The following SYNE1 variants were observed in gnomAD, a reference collection of about 807,000 sequenced individuals.
The protein encoded by SYNE1 is spectrin repeat containing nuclear envelope protein 1, also known as nesprin-1.
Under a neutral mutation model 1,111.0 loss-of-function variants are expected in SYNE1, and 616 were observed. That is an observed-to-expected ratio of 0.55 (90% CI 0.52 to 0.59). The LOEUF (loss-of-function observed/expected upper bound fraction) is 0.59, where lower values mean the gene tolerates loss of function less well. SYNE1 is among the 20% of genes least tolerant of loss of function. The pLI is 0.00. For missense variants in SYNE1, 10,006 were observed against 10,417.0 expected (o/e 0.96, Z 1.72); for synonymous variants, 3,855 against 3,825.8 (o/e 1.01, Z -0.28).
intron 3 of SYNE1, among the ~76,000 whole-genome samples, chr6:152,615,100 C>T (rs2099642110): frequency 6.6e-6 from 1 of 152,006 alleles, no homozygotes; most frequent in Admixed American, 6.6e-5. Context: ...TGCACATGTA[C>T]CCTTTATTAA....
At chr6:152,262,752 C>T (rs113383900) in intron 100 of SYNE1, among the ~76,000 whole-genome samples, 53 of 139,344 alleles carry the variant, frequency 3.8e-4, no homozygotes, top group African/African-American at 1.3e-3. Context: ...ACAGGAACTG[C>T]GAAGGTAGTA....
rs1591552811 is a variant in SYNE1, at chr6:152,381,354, T to TATC, written c.8658_8660dup (p.Leu2886_Ile2887insMet). 1 of 1,613,420 alleles carries TATC rather than the reference T, an allele frequency of 6.2e-7. No homozygotes were observed. The highest frequency in any genetic ancestry group is 1.3e-5 in the African/African-American group (1 of 75,054). Reference sequence around the variant, plus strand: ...GGCTTGCACCAATCTCTCTGGAATCTATCAGCTCCTGTAATGGAATATCAC... The same window carrying TATC: ...GGCTTGCACCAATCTCTCTGGAATCTATCATCAGCTCCTGTAATGGAATATCAC... On this transcript the variant is annotated inframe_insertion, in exon 56 of 146. Transcript: ENST00000367255.
chr6:152,377,654 T>TATATATATATAC (rs2097319269), intron 56 of SYNE1, among the ~76,000 whole-genome samples: 2 of 106,576 alleles, frequency 1.9e-5, no homozygotes, highest in African/African-American at 6.6e-5. Context: ...TATATATATA[T>TATATATATATAC]ATATATATAT....
chr6:152,211,979 T>A (rs2077606696), intron 123 of SYNE1, among the ~76,000 whole-genome samples: 2 of 152,108 alleles, frequency 1.3e-5, no homozygotes, highest in Non-Finnish European at 2.9e-5. Flanking sequence ...AAAAATAGCC[T>A]AGTCTTTTTC....
chr6:152,516,594 A>T (rs1234904065), intron 6 of SYNE1, among the ~76,000 whole-genome samples: 1 of 151,760 alleles, frequency 6.6e-6, no homozygotes, highest in African/African-American at 2.4e-5. Context: ...TTTTATTTTT[A>T]TTTTTTTTAA....
intron 39 of SYNE1, among the ~76,000 whole-genome samples, chr6:152,420,255 G>A (rs1290300452): frequency 6.6e-6 from 1 of 152,096 alleles, no homozygotes; most frequent in African/African-American, 2.4e-5. Context: ...GAAATTCATG[G>A]AAAGGACTCT....
chr6:152,436,086 T>C lies in SYNE1; in HGVS notation c.4165A>G (p.Thr1389Ala). The C allele has an allele frequency of 6.2e-7, 1 of 1,613,958 alleles. No individual in the cohort carries two copies. Among genetic ancestry groups the C allele is most frequent in the East Asian group, 2.2e-5 (1 of 44,870 alleles). Residue 1389 changes from threonine to alanine, a missense_variant, in exon 33 of 146, where the codon ACA (threonine) becomes GCA (alanine). Thr to Ala is a moderately conservative substitution (Grantham distance 58). This residue lies in a region of SYNE1 where 1,971 missense variants were observed against 2,084.1 expected (regional missense o/e 0.95). Transcript: ENST00000367255. The stretch of plus-strand genomic sequence containing the variant: ...TCAGCCTGGACTGCAATACTTTCTG[T>C]CCGTTTAGAAAACTCCTAGAAAAAA... ...LEQTKEFSKR[T>A]ESIAVQAENL...
chr6:152,129,210 GA>G (rs1165963373), intron 145 of SYNE1: 6 of 152,220 alleles, frequency 3.9e-5, no homozygotes, highest in African/African-American at 1.4e-4. Flanking sequence ...ACAATGCGGA[GA>G]GCAGATAGAC....
chr6:152,269,092 T>G, intron 99 of SYNE1, 63 bp downstream of exon 99: 2 of 1,612,304 alleles, frequency 1.2e-6, no homozygotes, highest in South Asian at 2.2e-5. Context: ...CCTTCTGAAA[T>G]ATGCCTCTCA....
chr6:152,364,808 G>A (rs749550149), intron 63 of SYNE1, 39 bp downstream of exon 63: 2 of 1,613,692 alleles, frequency 1.2e-6, no homozygotes, highest in East Asian at 2.2e-5. Context: ...TGATCTTTTA[G>A]TAATAGCTTC....
At chr6:152,549,248 C>T (rs1382440273) in intron 3 of SYNE1, among the ~76,000 whole-genome samples, 1 of 152,192 alleles carries the variant, frequency 6.6e-6, no homozygotes, top group Non-Finnish European at 1.5e-5. Flanking sequence ...TCCTCAATAT[C>T]GTATTCCTAA....
Position 152,486,210 on chromosome 6 carries a change from T to TA in SYNE1, c.1048-1239dup, listed in dbSNP as rs35220031. ...GTGACACTCTGACTAAAAAAAATAT[T>TA]AAAAAAAACAACAAAAAAATAAATT... is the stretch of plus-strand genomic sequence containing the variant. On this transcript the variant is annotated intron_variant, in intron 12 of 145. Transcript: ENST00000367255. 3.4e-3 allele frequency among the ~76,000 whole-genome samples: 504 copies of TA among 149,500 alleles called. 2 individuals carry two copies. Among genetic ancestry groups the TA allele is most frequent in the African/African-American group, 9.2e-3 (373 of 40,750 alleles).
At position 152,385,841 on chromosome 6, in the gene SYNE1, A is replaced by G. The variant is rs1267586793; in HGVS notation, c.8488-3T>C. ...TCTTCCACTTTCCTCATTTTTTCCT[A>G]GTAAACAAAGAAAAGACTACCTTAA... On this transcript the variant is annotated splice_region_variant and splice_polypyrimidine_tract_variant and intron_variant, in intron 54 of 145. Coordinates refer to ENST00000367255, the MANE Select transcript of SYNE1 (RefSeq NM_182961.4). 1 of 1,613,994 alleles carries G rather than the reference A, an allele frequency of 6.2e-7. No homozygotes were observed. The highest frequency in any genetic ancestry group is 1.7e-5 in the Admixed American group (1 of 60,008).
chr6:152,427,911 G>A, intron 37 of SYNE1, 95 bp from the exon 38 acceptor site: 1 of 1,543,944 alleles, frequency 6.5e-7, no homozygotes, highest in South Asian at 1.1e-5. Flanking sequence ...ACAAACCATA[G>A]TAAATACAGC....
intron 82 of SYNE1, 96 bp downstream of exon 82, chr6:152,323,382 T>C: frequency 6.4e-7 from 1 of 1,556,634 alleles, no homozygotes; most frequent in Non-Finnish European, 8.7e-7. Context: ...GAGCTTGCAG[T>C]GAGCCGAGAT....
intron 3 of SYNE1, among the ~76,000 whole-genome samples, chr6:152,621,382 A>T (rs1527367): frequency 0.71 from 108,352 of 152,004 alleles, 38,690 homozygotes; most frequent in East Asian, 0.82. Flanking sequence ...GGAGGTAACA[A>T]GATATAGAGG....
intron 40 of SYNE1, 99 bp from the exon 41 acceptor site, chr6:152,417,114 C>A: frequency 6.5e-7 from 1 of 1,542,650 alleles, no homozygotes; most frequent in South Asian, 1.1e-5. Context: ...TTTTAGGTGC[C>A]ATGGATAGTA....
chr6:152,161,057 C>T (rs1416029722), intron 131 of SYNE1, among the ~76,000 whole-genome samples: 1 of 150,502 alleles, frequency 6.6e-6, no homozygotes, highest in African/African-American at 2.4e-5. Flanking sequence ...TAGACATAAA[C>T]ATAATAAAAT....
At chr6:152,553,266 C>T (rs2099353931) in intron 3 of SYNE1, among the ~76,000 whole-genome samples, 1 of 152,168 alleles carries the variant, frequency 6.6e-6, no homozygotes, top group African/African-American at 2.4e-5. Flanking sequence ...CTTCATTCTA[C>T]TCTCACGTCC....
Sources: gnomAD v4.1 joint callset for allele counts (sites outside exome capture counted in the v4.1 genomes callset) on GRCh38, gnomAD v4.1.1 for gene constraint, gnomAD v4.1.1 regional missense constraint, MANE v1.5 for transcripts, NCBI Gene and HGNC (gene_info 2026-07-23, HGNC 2026-07-21) for gene names.